SETBP1: variants seen among roughly 807,000 people sequenced by gnomAD.
SETBP1 encodes the protein SET-binding protein.
SETBP1 carries 9 observed loss-of-function variants against 101.0 expected under a neutral mutation model. That is an observed-to-expected ratio of 0.09 (90% CI 0.05 to 0.16). The LOEUF is 0.16. SETBP1 is among the 10% of genes least tolerant of loss of function. The pLI, the probability that SETBP1 is intolerant of heterozygous loss-of-function variation, is 1.00. For missense variants in SETBP1, 1,858 were observed against 2,033.8 expected (o/e 0.91, Z 1.66); for synonymous variants, 818 against 788.5 (o/e 1.04, Z -0.63).
intron 2 of SETBP1, among the ~76,000 whole-genome samples, chr18:44,806,667 C>T (rs1376572118): frequency 3.9e-5 from 1 of 25,524 alleles, no homozygotes; most frequent in Non-Finnish European, 7.8e-5. Context: ...TTTTTTTTGG[C>T]AATGGTGCTT....
At chr18:45,018,814 C>T (rs528612303) in intron 4 of SETBP1, among the ~76,000 whole-genome samples, 5 of 152,228 alleles carry the variant, frequency 3.3e-5, no homozygotes, top group South Asian at 4.2e-4. Context: ...AAACTGATTA[C>T]GAGCAAAATT....
intron 3 of SETBP1, among the ~76,000 whole-genome samples, chr18:44,924,990 T>G (rs2070667119): frequency 6.7e-6 from 1 of 149,012 alleles, no homozygotes; most frequent in Non-Finnish European, 1.5e-5. Context: ...CTCTTTTTCC[T>G]TCTTGATCCT....
chr18:45,006,864 C>T (rs374151737), intron 4 of SETBP1, among the ~76,000 whole-genome samples: 4 of 152,166 alleles, frequency 2.6e-5, no homozygotes, highest in Non-Finnish European at 4.4e-5. Flanking sequence ...GCCTTATATT[C>T]GCACATCCTC....
Position 45,039,702 on chromosome 18 carries a change from G to C in SETBP1, c.4171+1047G>C, listed in dbSNP as rs572309199. ...TTGCAGTATTTAGAAAGCCCTGTTAGAAACCCAAGAAGAGACTCATTCTTA... is the reference window on the plus strand; with the variant it reads ...TTGCAGTATTTAGAAAGCCCTGTTACAAACCCAAGAAGAGACTCATTCTTA... On this transcript the variant is annotated intron_variant, in intron 5 of 5. Transcript: ENST00000649279. 2.0e-5 allele frequency among the ~76,000 whole-genome samples: 3 copies of C among 152,334 alleles called. No individual in the cohort carries two copies. The East Asian group carries it at 5.8e-4, about 29-fold the overall frequency.
intron 2 of SETBP1, among the ~76,000 whole-genome samples, chr18:44,801,979 C>T (rs2071617172): frequency 1.3e-5 from 2 of 152,084 alleles, no homozygotes; most frequent in Non-Finnish European, 1.5e-5. Flanking sequence ...TTCAGTCCAG[C>T]CCAGGTTAAA....
intron 3 of SETBP1, among the ~76,000 whole-genome samples, chr18:44,881,615 G>A (rs754397157): frequency 6.6e-6 from 1 of 152,128 alleles, no homozygotes; most frequent in Non-Finnish European, 1.5e-5. Flanking sequence ...CTCTTGCAGG[G>A]GCCTGATGGG....
intron 2 of SETBP1, among the ~76,000 whole-genome samples, chr18:44,819,982 G>A (rs1335014591): frequency 6.6e-6 from 1 of 152,210 alleles, no homozygotes; most frequent in Admixed American, 6.5e-5. Flanking sequence ...TGCTGTACAC[G>A]TCATCATTGC....
At chr18:44,788,832 C>G (rs1441829677) in intron 2 of SETBP1, among the ~76,000 whole-genome samples, 3 of 113,368 alleles carry the variant, frequency 2.6e-5, no homozygotes, top group African/African-American at 1.1e-4. Flanking sequence ...GGATCTCACT[C>G]TGTCACCCAG....
At chr18:44,993,211 T>A (rs572414002) in intron 4 of SETBP1, among the ~76,000 whole-genome samples, 1 of 152,016 alleles carries the variant, frequency 6.6e-6, no homozygotes, top group Non-Finnish European at 1.5e-5. Context: ...AACCTAACAA[T>A]GAGACATTAA....
intron 2 of SETBP1, among the ~76,000 whole-genome samples, chr18:44,720,927 G>A (rs1478461428): frequency 2.1e-5 from 2 of 94,794 alleles, no homozygotes; most frequent in African/African-American, 8.0e-5. Flanking sequence ...CCAACCCCTT[G>A]GGGAGAAGAG....
At chr18:45,062,274 C>A (rs1357235338) in intron 5 of SETBP1, among the ~76,000 whole-genome samples, 2 of 152,214 alleles carry the variant, frequency 1.3e-5, no homozygotes, top group Non-Finnish European at 2.9e-5. Context: ...GAAAAGAGCT[C>A]TTTGCAAACG....
intron 1 of SETBP1, among the ~76,000 whole-genome samples, chr18:44,700,676 C>T (rs1408077909): frequency 6.6e-6 from 1 of 152,120 alleles, no homozygotes; most frequent in Admixed American, 6.5e-5. Context: ...AGGCTGAATG[C>T]CCCTCCTCCA....
intron 2 of SETBP1, among the ~76,000 whole-genome samples, chr18:44,747,060 G>C (rs2070271296): frequency 6.6e-6 from 1 of 152,216 alleles, no homozygotes; most frequent in South Asian, 2.1e-4. Context: ...CTTGGCTGCT[G>C]TTTAATGCTG....
At chr18:44,929,692 A>G (rs2070783204) in intron 3 of SETBP1, among the ~76,000 whole-genome samples, 1 of 152,074 alleles carries the variant, frequency 6.6e-6, no homozygotes, top group Non-Finnish European at 1.5e-5. Flanking sequence ...ATTCCCTTTG[A>G]AGCAATTGTG....
At chr18:44,817,351 C>T (rs948195014) in intron 2 of SETBP1, among the ~76,000 whole-genome samples, 1 of 152,090 alleles carries the variant, frequency 6.6e-6, no homozygotes, top group African/African-American at 2.4e-5. Context: ...CAGTCTCTGT[C>T]GTTGTCAGAC....
At chr18:45,055,555 C>T (rs2073794666) in intron 5 of SETBP1, among the ~76,000 whole-genome samples, 3 of 151,634 alleles carry the variant, frequency 2.0e-5, no homozygotes, top group Admixed American at 1.3e-4. Flanking sequence ...TTTTGAAAAT[C>T]TTGGTTTTTT....
At chr18:44,765,340 T>G (rs1190583735) in intron 2 of SETBP1, among the ~76,000 whole-genome samples, 1 of 152,160 alleles carries the variant, frequency 6.6e-6, no homozygotes, top group African/African-American at 2.4e-5. Context: ...TTTCTCTCTC[T>G]TTGGAACAAG....
chr18:44,933,092 C>T (rs1893548930), intron 3 of SETBP1, among the ~76,000 whole-genome samples: 1 of 152,062 alleles, frequency 6.6e-6, no homozygotes, highest in Non-Finnish European at 1.5e-5. Flanking sequence ...TTTTATCTAC[C>T]TTTGGTCTTT....
intron 5 of SETBP1, among the ~76,000 whole-genome samples, chr18:45,039,792 AC>A (rs1276415977): frequency 6.6e-6 from 1 of 152,216 alleles, no homozygotes; most frequent in East Asian, 1.9e-4. Context: ...CAACTTGTCT[AC>A]ATACCTACCT....
Sources: allele counts gnomAD v4.1 joint callset (sites outside exome capture counted in the v4.1 genomes callset), GRCh38; gene constraint gnomAD v4.1.1; transcripts MANE v1.5; gene names NCBI Gene and HGNC (gene_info 2026-07-23, HGNC 2026-07-21).